IL1RL2: variants seen among roughly 807,000 people sequenced by gnomAD.
IL1RL2 encodes interleukin 1 receptor like 2, also known as interleukin-1 receptor-like 2.
IL1RL2 carries 68 observed loss-of-function variants against 66.8 expected under a neutral mutation model. That is an observed-to-expected ratio of 1.02 (90% CI 0.84 to 1.25). IL1RL2 has a LOEUF of 1.25. Among genes scored for constraint, IL1RL2 ranks in the 50% most tolerant of loss-of-function variants. The pLI, the probability that IL1RL2 is intolerant of heterozygous loss-of-function variation, is 0.00. For synonymous variants in IL1RL2, 305 were observed against 264.6 expected (o/e 1.15, Z -1.48); for missense variants, 729 against 709.3 (o/e 1.03, Z -0.32).
At chr2:102,235,346 C>T (rs541973923) in intron 11 of IL1RL2, 69 bp downstream of exon 11, 1 of 1,555,336 alleles carries the variant, frequency 6.4e-7, no homozygotes, top group South Asian at 1.2e-5. Context: ...TGGTGGCTCA[C>T]AGCTGGAGGA....
chr2:102,203,554 TAATAAAGATACTTTATTA>T (rs1688451854), intron 5 of IL1RL2, among the ~76,000 whole-genome samples: 2 of 152,056 alleles, frequency 1.3e-5, no homozygotes, highest in Non-Finnish European at 2.9e-5. Context: ...TCTTTCTCTT[TAATAAAGATACTTTATTA>T]AAATTTCTAT....
intron 1 of IL1RL2, chr2:102,187,365 C>T: frequency 8.6e-7 from 1 of 1,157,052 alleles, no homozygotes; most frequent in Non-Finnish European, 1.1e-6. Flanking sequence ...TGGCTGCTCC[C>T]CAGTGAGCGG....
intron 1 of IL1RL2, chr2:102,187,447 C>T (rs1380806249): frequency 9.8e-7 from 1 of 1,018,458 alleles, no homozygotes; most frequent in Non-Finnish European, 1.2e-6. Context: ...GGGGAGGCTC[C>T]GTGCGCCGCG....
In IL1RL2 at chr2:102,236,012, G is replaced by A. The variant is rs1228522868; in HGVS notation, c.1678+735G>A. ...CACATGTCAACCAGAATTCTGAGCA[G>A]CCTGTGAGAGACGCAATTAGCACAC... is the stretch of plus-strand genomic sequence containing the variant. On this transcript the variant is annotated intron_variant, in intron 11 of 11. Coordinates refer to ENST00000264257, the MANE Select transcript of IL1RL2 (RefSeq NM_003854.4). 8.5e-5 allele frequency: 76 copies of A among 893,074 alleles called. 1 individual carries two copies. In the Admixed American group the frequency reaches 4.7e-3, roughly 55 times the overall value. The allele number at this position is 893,074 out of a possible 1,614,324, so 55.3% of individuals were successfully genotyped here.
In IL1RL2 at chr2:102,234,904, C is replaced by T. The variant is rs767353143; in HGVS notation, c.1305C>T (p.Ala435=). 4 of 1,611,130 alleles carry T rather than the reference C, an allele frequency of 2.5e-6. No homozygotes were observed. The Admixed American group carries it at 5.0e-5, about 20-fold the overall frequency. The change falls in exon 11 of 12, where the codon GCC becomes GCT. Residue 435 remains alanine (A), a synonymous_variant. Transcript: ENST00000264257. ...GRDEFPGQAV[A]NVIDENVKLC... ...TTCTTTCTTTATTTCCAGCCGTGGCCAATGTCATCGATGAAAACGTTAAGC... is the reference window on the plus strand; with the variant it reads ...TTCTTTCTTTATTTCCAGCCGTGGCTAATGTCATCGATGAAAACGTTAAGC...
At chr2:102,193,354 C>A (rs1026433070) in intron 4 of IL1RL2, among the ~76,000 whole-genome samples, 6 of 152,204 alleles carry the variant, frequency 3.9e-5, no homozygotes, top group Non-Finnish European at 8.8e-5. Flanking sequence ...TGATGTTACA[C>A]AAATTGCTTC....
At chr2:102,209,330 C>A (rs1391704160) in intron 5 of IL1RL2, among the ~76,000 whole-genome samples, 1 of 152,090 alleles carries the variant, frequency 6.6e-6, no homozygotes, top group South Asian at 2.1e-4. Context: ...ACAGTGTTTG[C>A]GGAGCAGGAA....
chr2:102,228,568 G>A (rs1690839679), intron 9 of IL1RL2, among the ~76,000 whole-genome samples: 1 of 152,168 alleles, frequency 6.6e-6, no homozygotes, highest in Non-Finnish European at 1.5e-5. Context: ...TCTGTGCACG[G>A]ATCTCCTAGA....
chr2:102,203,955 T>C (rs528002995), intron 5 of IL1RL2, among the ~76,000 whole-genome samples: 13 of 152,204 alleles, frequency 8.5e-5, no homozygotes, highest in African/African-American at 3.1e-4. Flanking sequence ...GCTTTTCTAG[T>C]TCTTTAAGAT....
chr2:102,198,203 A>G (rs528180645), intron 4 of IL1RL2, among the ~76,000 whole-genome samples: 33 of 152,346 alleles, frequency 2.2e-4, no homozygotes, highest in Non-Finnish European at 4.3e-4. Flanking sequence ...AAAGGAATGA[A>G]TGAGCTGGAA....
chr2:102,198,833 T>C (rs1443261199), intron 4 of IL1RL2, among the ~76,000 whole-genome samples: 1 of 152,154 alleles, frequency 6.6e-6, no homozygotes, highest in African/African-American at 2.4e-5. Context: ...ATATTCTCCA[T>C]ATGGCTCCCA....
chr2:102,226,122 C>A, intron 9 of IL1RL2, 81 bp downstream of exon 9: 2 of 1,186,996 alleles, frequency 1.7e-6, no homozygotes, highest in Non-Finnish European at 2.3e-6. Context: ...TATACTTTGT[C>A]ATATTTTACT....
At chr2:102,220,762 T>A (rs377422507) in intron 8 of IL1RL2, among the ~76,000 whole-genome samples, 2 of 152,186 alleles carry the variant, frequency 1.3e-5, no homozygotes, top group Non-Finnish European at 2.9e-5. Flanking sequence ...TTTGCTGATG[T>A]CCTTTAATGA....
rs114038032 is a variant in IL1RL2 at position 102,210,314 on chromosome 2, G to T, written c.650-1786G>T. Among the ~76,000 whole-genome samples the T allele has an allele frequency of 2.6e-3, 397 of 152,294 alleles. 3 individuals are homozygous for T. Among genetic ancestry groups the T allele is most frequent in the African/African-American group, 9.1e-3 (377 of 41,566 alleles). On this transcript the variant is annotated intron_variant, in intron 5 of 11. Transcript: ENST00000264257. ...GGCAGGTGATGAGGTTGGGTAAGTAGTCGGGGGCCAAGATCAAGTAGGAAC... is the reference window on the plus strand; with the variant it reads ...GGCAGGTGATGAGGTTGGGTAAGTATTCGGGGGCCAAGATCAAGTAGGAAC...
intron 6 of IL1RL2, among the ~76,000 whole-genome samples, chr2:102,217,494 A>G (rs1443498501): frequency 1.3e-5 from 2 of 152,160 alleles, no homozygotes; most frequent in Non-Finnish European, 2.9e-5. Context: ...AAAACCAAAA[A>G]CAAAGCTGGA....
intron 4 of IL1RL2, among the ~76,000 whole-genome samples, chr2:102,192,945 T>C (rs1687359616): frequency 1.3e-5 from 2 of 152,182 alleles, no homozygotes; most frequent in Non-Finnish European, 2.9e-5. Flanking sequence ...AAAGGTCTCA[T>C]ATATTCTGGA....
At chr2:102,219,812 A>G in intron 7 of IL1RL2, 69 bp from the exon 8 acceptor site, 8 of 1,444,766 alleles carry the variant, frequency 5.5e-6, no homozygotes, top group Middle Eastern at 1.9e-4. Context: ...TTATCTCCAG[A>G]AAACAGATTA....
chr2:102,195,613 C>CTTTCTTTCTTTCTT lies in IL1RL2; in HGVS notation c.489+3495_489+3508dup, dbSNP rs1259288825. On this transcript the variant is annotated intron_variant, in intron 4 of 11. Coordinates refer to ENST00000264257, the MANE Select transcript of IL1RL2 (RefSeq NM_003854.4). Reference sequence around the variant, plus strand: ...TCTTTCTTTCTTTCTTTCTTTCTTTCTTTCTTTCTTTCTTTCTCTCTCTCT... The same window carrying CTTTCTTTCTTTCTT: ...TCTTTCTTTCTTTCTTTCTTTCTTTCTTTCTTTCTTTCTTTTTCTTTCTTTCTTTCTCTCTCTCT... Among the ~76,000 whole-genome samples the CTTTCTTTCTTTCTT allele has an allele frequency of 1.1e-3, 21 of 18,552 alleles. 1 individual carries two copies. Among genetic ancestry groups the CTTTCTTTCTTTCTT allele is most frequent in the African/African-American group, 2.8e-3 (21 of 7,442 alleles). 12.2% of individuals were successfully genotyped at this position (18,552 alleles called of 152,430 possible).
intron 4 of IL1RL2, among the ~76,000 whole-genome samples, chr2:102,192,722 G>C (rs17820338): frequency 0.014 from 2,207 of 152,278 alleles, 36 homozygotes; most frequent in East Asian, 0.077. Context: ...TCTTGGCATG[G>C]AGGAGCACAG....
Sources: gnomAD v4.1 joint callset for allele counts (sites outside exome capture counted in the v4.1 genomes callset) on GRCh38, gnomAD v4.1.1 for gene constraint, MANE v1.5 for transcripts, NCBI Gene and HGNC (gene_info 2026-07-23, HGNC 2026-07-21) for gene names.